OPCML: variants seen among roughly 807,000 people sequenced by gnomAD.
OPCML encodes opioid-binding protein/cell adhesion molecule.
OPCML carries 13 observed loss-of-function variants against 37.8 expected under a neutral mutation model. The observed-to-expected ratio is 0.34, with a 90% CI of 0.22 to 0.55. The LOEUF is 0.55. Among genes scored for constraint, OPCML ranks in the 20% least tolerant of loss-of-function variants. The probability of loss-of-function intolerance (pLI) is 0.91; values close to 1 mark genes in which losing one functional copy is unlikely to be tolerated. For synonymous variants in OPCML, 176 were observed against 168.8 expected (o/e 1.04, Z -0.33); for missense variants, 341 against 435.6 (o/e 0.78, Z 1.93).
intron 2 of OPCML, among the ~76,000 whole-genome samples, chr11:132,889,262 T>A (rs1435801030): frequency 6.6e-6 from 1 of 152,200 alleles, no homozygotes; most frequent in African/African-American, 2.4e-5. Context: ...GTTCTTACGT[T>A]AAAACACCCC....
intron 2 of OPCML, among the ~76,000 whole-genome samples, chr11:132,928,236 C>T (rs1945067057): frequency 1.3e-5 from 2 of 151,828 alleles, no homozygotes; most frequent in African/African-American, 4.8e-5. Context: ...GTCCAAGAGA[C>T]CCAGTTTAGA....
At chr11:132,701,447 G>A (rs376022837) in intron 2 of OPCML, among the ~76,000 whole-genome samples, 48 of 152,188 alleles carry the variant, frequency 3.2e-4, no homozygotes, top group African/African-American at 1.1e-3. Flanking sequence ...ATTTCTGTTG[G>A]TTAAAGTATA....
intron 2 of OPCML, among the ~76,000 whole-genome samples, chr11:132,886,511 C>A (rs1268393781): frequency 6.6e-6 from 1 of 152,234 alleles, no homozygotes; most frequent in Non-Finnish European, 1.5e-5. Context: ...GGGGCCTCTC[C>A]AGCATGTGGT....
intron 2 of OPCML, among the ~76,000 whole-genome samples, chr11:132,690,586 G>A (rs965131447): frequency 2.6e-5 from 4 of 152,166 alleles, no homozygotes; most frequent in African/African-American, 9.7e-5. Context: ...AATGGTTAAC[G>A]TACCAAACCA....
chr11:133,005,064 C>A (rs142660224), intron 1 of OPCML: 45 of 985,324 alleles, frequency 4.6e-5, no homozygotes, highest in Non-Finnish European at 5.2e-5. Flanking sequence ...TTCATGAATG[C>A]CACACCCTTG....
At chr11:132,619,191 C>T (rs1939242752) in intron 3 of OPCML, among the ~76,000 whole-genome samples, 1 of 152,130 alleles carries the variant, frequency 6.6e-6, no homozygotes, top group African/African-American at 2.4e-5. Context: ...CAAGCTCTGT[C>T]GCTTCCTCAG....
chr11:132,832,191 G>A (rs973076596), intron 2 of OPCML, among the ~76,000 whole-genome samples: 3 of 148,590 alleles, frequency 2.0e-5, no homozygotes, highest in African/African-American at 7.5e-5. Flanking sequence ...AGGCAGTTAA[G>A]CATCTAATTA....
chr11:133,460,953 A>G (rs1455860230), intron 1 of OPCML, among the ~76,000 whole-genome samples: 2 of 151,934 alleles, frequency 1.3e-5, no homozygotes. Flanking sequence ...AATCTAATAA[A>G]TCACAATTCA....
chr11:133,161,016 T>C (rs932353700), intron 1 of OPCML, among the ~76,000 whole-genome samples: 1 of 152,210 alleles, frequency 6.6e-6, no homozygotes, highest in African/African-American at 2.4e-5. Context: ...GCAGCAGGCC[T>C]GGTGCGGGGC....
intron 2 of OPCML, among the ~76,000 whole-genome samples, chr11:132,697,271 T>C (rs1943633147): frequency 1.3e-5 from 2 of 152,172 alleles, no homozygotes; most frequent in Admixed American, 1.3e-4. Context: ...AATTACCTTC[T>C]TTTTTTCTGG....
Position 133,140,982 on chromosome 11 carries a change from AGAAGAAGAAGAAGAAGAC to A in OPCML, c.62-197990_62-197973del, listed in dbSNP as rs1323010550. 7.4e-4 allele frequency among the ~76,000 whole-genome samples: 3 copies of A among 4,044 alleles called. 1 individual carries two copies. The highest frequency in any genetic ancestry group is 1.2e-3 in the African/African-American group (3 of 2,428). 2.7% of individuals were successfully genotyped at this position (4,044 alleles called of 152,430 possible). A position where few individuals can be genotyped will look rare whatever the true frequency, so the allele number is the denominator to read the frequency against. On this transcript the variant is annotated intron_variant, in intron 1 of 7. Transcript: ENST00000524381. The stretch of plus-strand genomic sequence containing the variant: ...AAGAAGAAGAAGAAGAAGAAGAAGA[AGAAGAAGAAGAAGAAGAC>A]GACGACGACGACGACGACGACGACG...
At chr11:132,796,844 G>A (rs1340990903) in intron 2 of OPCML, among the ~76,000 whole-genome samples, 1 of 151,956 alleles carries the variant, frequency 6.6e-6, no homozygotes, top group African/African-American at 2.4e-5. Context: ...GTGTGAAATG[G>A]TATCGTATTC....
intron 3 of OPCML, among the ~76,000 whole-genome samples, chr11:132,607,395 C>T (rs1295857105): frequency 6.6e-6 from 1 of 152,142 alleles, no homozygotes. Flanking sequence ...CAGGATATTT[C>T]CCACGGAGCT....
At chr11:132,672,178 A>G (rs1024033052) in intron 2 of OPCML, among the ~76,000 whole-genome samples, 1 of 152,160 alleles carries the variant, frequency 6.6e-6, no homozygotes, top group African/African-American at 2.4e-5. Flanking sequence ...CTTAGGCCAC[A>G]GGTACAAAGA....
rs571716282 is a variant in OPCML, at chr11:132,608,887, C to A, written c.379+48200G>T. Among the ~76,000 whole-genome samples the A allele has an allele frequency of 2.8e-4, 42 of 152,280 alleles. 1 individual carries two copies. Among genetic ancestry groups the A allele is most frequent in the South Asian group, 2.3e-3 (11 of 4,812 alleles). The stretch of plus-strand genomic sequence containing the variant: ...CTTCCTCCTGCTCCACTGTGTACCT[C>A]CAGTGTGTCGTGAGTTCCAATATAT... On this transcript the variant is annotated intron_variant, in intron 3 of 7. Coordinates refer to ENST00000524381, the MANE Select transcript of OPCML (RefSeq NM_001012393.5).
At chr11:133,378,666 C>CT (rs1472581107) in intron 1 of OPCML, among the ~76,000 whole-genome samples, 3 of 150,988 alleles carry the variant, frequency 2.0e-5, no homozygotes, top group Non-Finnish European at 4.4e-5. Context: ...TCTTTTCTTT[C>CT]TTTCTTTTCT....
chr11:132,523,482 T>C (rs543108753), intron 4 of OPCML, among the ~76,000 whole-genome samples: 1 of 152,242 alleles, frequency 6.6e-6, no homozygotes, highest in South Asian at 2.1e-4. Context: ...CTAATCAACT[T>C]AGTTTTATGG....
intron 1 of OPCML, among the ~76,000 whole-genome samples, chr11:133,168,422 G>A (rs911061361): frequency 6.6e-6 from 1 of 152,192 alleles, no homozygotes; most frequent in Non-Finnish European, 1.5e-5. Context: ...TGGTCAGAAA[G>A]AGCCAGTCAT....
chr11:132,558,874 A>C (rs1289667955), intron 3 of OPCML, among the ~76,000 whole-genome samples: 2 of 152,000 alleles, frequency 1.3e-5, no homozygotes, highest in Non-Finnish European at 2.9e-5. Flanking sequence ...TGTGGGTGAT[A>C]TGGGCAAGGG....
Sources: gnomAD v4.1 joint callset for allele counts (sites outside exome capture counted in the v4.1 genomes callset) on GRCh38, gnomAD v4.1.1 for gene constraint, MANE v1.5 for transcripts, NCBI Gene and HGNC (gene_info 2026-07-23, HGNC 2026-07-21) for gene names.